Variants in IQSEC1 observed in about 807,000 individuals in gnomAD.
IQSEC1 encodes IQ motif and Sec7 domain ArfGEF 1, also known as IQ motif and SEC7 domain-containing protein 1.
A neutral mutation model predicts 91.0 loss-of-function variants in IQSEC1; 31 were observed. That is an observed-to-expected ratio of 0.34 (90% CI 0.26 to 0.46). The LOEUF (loss-of-function observed/expected upper bound fraction) is 0.46, where lower values mean the gene tolerates loss of function less well. Among genes scored for constraint, IQSEC1 ranks in the 20% least tolerant of loss-of-function variants. The pLI is 1.00. For synonymous variants in IQSEC1, 699 were observed against 662.6 expected, an observed-to-expected ratio of 1.05 and a Z score of -0.84; for missense variants, 1,388 against 1,575.6, an observed-to-expected ratio of 0.88 and a Z score of 2.02.
chr3:13,107,069 G>A (rs1218220782), intron 2 of IQSEC1, among the ~76,000 whole-genome samples: 4 of 152,242 alleles, frequency 2.6e-5, no homozygotes, highest in Admixed American at 2.0e-4. Flanking sequence ...AAAGCTGGCA[G>A]AACCCTGGCC....
chr3:13,167,698 T>C (rs556002130), intron 1 of IQSEC1, among the ~76,000 whole-genome samples: 2 of 152,320 alleles, frequency 1.3e-5, no homozygotes, highest in South Asian at 2.1e-4. Flanking sequence ...TTTCTCCAGG[T>C]GGCCTTCAGA....
chr3:13,236,645 GC>G (rs1176569181), intron 1 of IQSEC1, among the ~76,000 whole-genome samples: 2 of 152,196 alleles, frequency 1.3e-5, no homozygotes, highest in Non-Finnish European at 2.9e-5. Context: ...GACACCCCCT[GC>G]AGAGGTGGAG....
chr3:12,918,638 G>A (rs1364260669), intron 6 of IQSEC1, among the ~76,000 whole-genome samples: 2 of 152,152 alleles, frequency 1.3e-5, no homozygotes, highest in African/African-American at 2.4e-5. Context: ...GCAACATAGT[G>A]AGACCCTACC....
intron 2 of IQSEC1, among the ~76,000 whole-genome samples, chr3:13,139,037 ATAG>A (rs1475460560): frequency 3.3e-5 from 5 of 152,044 alleles, no homozygotes; most frequent in Non-Finnish European, 7.4e-5. Context: ...CATGGGAATG[ATAG>A]TAGCATCAGG....
At chr3:12,969,000 C>G (rs1420286417) in intron 1 of IQSEC1, among the ~76,000 whole-genome samples, 1 of 152,140 alleles carries the variant, frequency 6.6e-6, no homozygotes, top group Admixed American at 6.5e-5. Flanking sequence ...TGAGCAGGAG[C>G]CCAGTGCCCC....
At chr3:12,949,369 T>C (rs983982669) in intron 1 of IQSEC1, among the ~76,000 whole-genome samples, 4 of 152,258 alleles carry the variant, frequency 2.6e-5, no homozygotes, top group Admixed American at 2.0e-4. Flanking sequence ...CCGGGCCCCA[T>C]GCTAGAGGAA....
intron 3 of IQSEC1, among the ~76,000 whole-genome samples, chr3:12,934,789 G>A (rs374596602): frequency 3.3e-5 from 5 of 152,054 alleles, no homozygotes; most frequent in African/African-American, 1.2e-4. Context: ...GATGGTCAAC[G>A]GCACCTTTCC....
intron 1 of IQSEC1, among the ~76,000 whole-genome samples, chr3:13,042,974 T>C (rs182210813): frequency 6.6e-6 from 1 of 152,130 alleles, no homozygotes; most frequent in Admixed American, 6.5e-5. Context: ...AAACTCACCA[T>C]GTAGCCACAT....
intron 1 of IQSEC1, among the ~76,000 whole-genome samples, chr3:12,948,132 A>T (rs550819771): frequency 6.6e-6 from 1 of 152,364 alleles, no homozygotes; most frequent in East Asian, 1.9e-4. Context: ...AAATTGGGGT[A>T]ATTAGTGTAT....
intron 1 of IQSEC1, among the ~76,000 whole-genome samples, chr3:13,244,853 C>T (rs1026931566): frequency 7.2e-5 from 11 of 152,260 alleles, no homozygotes; most frequent in African/African-American, 2.6e-4. Context: ...TGACAGGCAC[C>T]GTGGCACCAG....
At chr3:12,986,786 A>G (rs1335627968) in intron 1 of IQSEC1, among the ~76,000 whole-genome samples, 6 of 152,176 alleles carry the variant, frequency 3.9e-5, no homozygotes, top group African/African-American at 1.4e-4. Context: ...GCCTGTGCGC[A>G]TATGTGAGCT....
intron 2 of IQSEC1, among the ~76,000 whole-genome samples, chr3:13,119,759 C>G (rs998238360): frequency 1.6e-4 from 24 of 152,138 alleles, no homozygotes; most frequent in Admixed American, 1.6e-3. Flanking sequence ...TGGATGACAC[C>G]GAAGCCAAGG....
intron 1 of IQSEC1, among the ~76,000 whole-genome samples, chr3:13,067,576 C>G (rs1273785244): frequency 6.6e-6 from 1 of 152,240 alleles, no homozygotes; most frequent in African/African-American, 2.4e-5. Flanking sequence ...GATCTGGAAC[C>G]TGCTCAGGGT....
At chr3:13,049,818 C>T (rs953545107) in intron 1 of IQSEC1, among the ~76,000 whole-genome samples, 15 of 152,298 alleles carry the variant, frequency 9.8e-5, no homozygotes, top group Admixed American at 5.9e-4. Context: ...TTGAGCTATG[C>T]AACAGAGGTA....
intron 1 of IQSEC1, among the ~76,000 whole-genome samples, chr3:13,072,168 C>T (rs950262106): frequency 6.6e-6 from 1 of 152,218 alleles, no homozygotes; most frequent in Non-Finnish European, 1.5e-5. Flanking sequence ...TGCACAGCCC[C>T]AAATGAGTGG....
chr3:13,278,066 T>C (rs977365843), intron 1 of IQSEC1, among the ~76,000 whole-genome samples: 4 of 152,176 alleles, frequency 2.6e-5, no homozygotes, highest in African/African-American at 7.2e-5. Context: ...GTACGGTTAA[T>C]GTCACCATGA....
intron 1 of IQSEC1, among the ~76,000 whole-genome samples, chr3:13,175,889 T>A (rs769302991): frequency 6.6e-6 from 1 of 152,230 alleles, no homozygotes; most frequent in Non-Finnish European, 1.5e-5. Flanking sequence ...GCTCTGCCCC[T>A]GTGACCTAAG....
intron 6 of IQSEC1, among the ~76,000 whole-genome samples, chr3:12,918,414 G>C (rs1161715205): frequency 6.6e-6 from 1 of 152,154 alleles, no homozygotes; most frequent in Non-Finnish European, 1.5e-5. Flanking sequence ...TGACTCAGCA[G>C]CCCTGCCCTG....
intron 2 of IQSEC1, among the ~76,000 whole-genome samples, chr3:13,129,280 T>C (rs953567136): frequency 1.3e-5 from 2 of 152,246 alleles, no homozygotes; most frequent in African/African-American, 4.8e-5. Context: ...TTGTTCATAA[T>C]ACTCCATTAT....
Sources: gnomAD v4.1 joint callset for allele counts (sites outside exome capture counted in the v4.1 genomes callset) on GRCh38, gnomAD v4.1.1 for gene constraint, MANE v1.5 for transcripts, NCBI Gene and HGNC (gene_info 2026-07-23, HGNC 2026-07-21) for gene names.